The following CARMIL1 variants were observed in gnomAD, a reference collection of about 807,000 sequenced individuals.
CARMIL1 encodes the protein F-actin-uncapping protein LRRC16A.
In CARMIL1, 90 loss-of-function variants were observed where a neutral mutation model predicts 177.1. That is an observed-to-expected ratio of 0.51 (90% CI 0.43 to 0.61). CARMIL1 has a LOEUF of 0.61. Ranked by LOEUF, CARMIL1 falls within the 20% of genes least tolerant of loss-of-function variation. The pLI, the probability that CARMIL1 is intolerant of heterozygous loss-of-function variation, is 0.00. For missense variants in CARMIL1, 1,380 were observed against 1,667.0 expected, an observed-to-expected ratio of 0.83 and a Z score of 3.00; for synonymous variants, 577 against 606.2, an observed-to-expected ratio of 0.95 and a Z score of 0.71.
In CARMIL1 at chr6:25,550,956, A is replaced by G. The variant is rs546757346; in HGVS notation, c.2375A>G (p.Asn792Ser). 9.3e-6 allele frequency: 15 copies of G among 1,613,504 alleles called. No individual in the cohort carries two copies. In the African/African-American group the frequency reaches 9.3e-5, roughly 10 times the overall value. The change falls in exon 27 of 37, where the codon AAT becomes AGT. Residue 792 changes from asparagine (N) to serine (S), a missense_variant. Transcript: ENST00000329474. ...GATGCTGCTGAGAATCTTTGTCCCAATGTGATGAAAAAAGCCCACATTCGA... is the reference window on the plus strand; with the variant it reads ...GATGCTGCTGAGAATCTTTGTCCCAGTGTGATGAAAAAAGCCCACATTCGA... ...MVDAAENLCPNVMKKAHIRQD... is the reference protein window; with the variant it reads ...MVDAAENLCPSVMKKAHIRQD...
chr6:25,402,532 C>G lies in CARMIL1; in HGVS notation c.139-17582C>G, dbSNP rs147602720. On this transcript the variant is annotated intron_variant, in intron 2 of 36. Coordinates refer to ENST00000329474, the MANE Select transcript of CARMIL1 (RefSeq NM_017640.6). ...ATTTTGCCAATCTATTTTGTACTTACTTTATAATTCAATTTTAAGAGTAAA... is the reference window on the plus strand; with the variant it reads ...ATTTTGCCAATCTATTTTGTACTTAGTTTATAATTCAATTTTAAGAGTAAA... Among the ~76,000 whole-genome samples the G allele has an allele frequency of 1.5e-3, 221 of 152,240 alleles. 1 individual carries two copies. The highest frequency in any genetic ancestry group is 5.0e-3 in the African/African-American group (208 of 41,546).
intron 2 of CARMIL1, among the ~76,000 whole-genome samples, chr6:25,367,994 A>G (rs974696522): frequency 7.2e-5 from 11 of 152,218 alleles, no homozygotes; most frequent in Non-Finnish European, 1.2e-4. Context: ...TCCTGACCTC[A>G]AGTGATCTGC....
chr6:25,446,562 C>G (rs1483708177), intron 5 of CARMIL1, among the ~76,000 whole-genome samples: 1 of 152,200 alleles, frequency 6.6e-6, no homozygotes, highest in African/African-American at 2.4e-5. Context: ...TGTTTCATTC[C>G]AGACCACTAA....
chr6:25,441,337 A>ATGTGTGTGTGTGTGTGTGTG (rs1554196401), intron 5 of CARMIL1, among the ~76,000 whole-genome samples: 41 of 94,536 alleles, frequency 4.3e-4, no homozygotes, highest in Middle Eastern at 5.4e-3. Flanking sequence ...ATATATATAT[A>ATGTGTGTGTGTGTGTGTGTG]TGTGTGTGTG....
In CARMIL1 at chr6:25,417,799, G is replaced by A. The variant is rs78312771; in HGVS notation, c.139-2315G>A. Among the ~76,000 whole-genome samples the A allele has an allele frequency of 2.0e-4, 30 of 152,322 alleles. No homozygotes were observed. In the East Asian group the frequency reaches 5.0e-3, roughly 25 times the overall value. ...TCTGCTCTAATTGAATGACCTTGAA[G>A]TGAGTTCATCACTGAGTCTCAATTT... On this transcript the variant is annotated intron_variant, in intron 2 of 36. Transcript: ENST00000329474.
intron 2 of CARMIL1, among the ~76,000 whole-genome samples, chr6:25,409,742 G>A (rs1023211726): frequency 1.3e-5 from 2 of 152,120 alleles, no homozygotes; most frequent in African/African-American, 2.4e-5. Context: ...ATTTGCATGC[G>A]AGTACCATGT....
At chr6:25,416,253 A>G (rs1581864977) in intron 2 of CARMIL1, among the ~76,000 whole-genome samples, 1 of 152,250 alleles carries the variant, frequency 6.6e-6, no homozygotes, top group East Asian at 1.9e-4. Flanking sequence ...TGACTCATCT[A>G]TGTTTCCATG....
At chr6:25,338,936 A>G (rs1333378482) in intron 2 of CARMIL1, among the ~76,000 whole-genome samples, 6 of 132,684 alleles carry the variant, frequency 4.5e-5, no homozygotes, top group Non-Finnish European at 8.0e-5. Flanking sequence ...CTCTGCCAGC[A>G]TGAATCCTCC....
At chr6:25,528,644 C>G (rs1019408970) in intron 23 of CARMIL1, 151 bp from the exon 24 acceptor site, 1 of 650,680 alleles carries the variant, frequency 1.5e-6, no homozygotes, top group Admixed American at 2.7e-5. Context: ...GCCAGTTTCT[C>G]CATCCCATGT....
At chr6:25,501,071 T>C (rs779282024) in intron 17 of CARMIL1, among the ~76,000 whole-genome samples, 3 of 152,132 alleles carry the variant, frequency 2.0e-5, no homozygotes, top group Non-Finnish European at 4.4e-5. Flanking sequence ...CTAAACTGTC[T>C]ATGTTTTACA....
At chr6:25,566,679 T>G (rs1038568899) in intron 29 of CARMIL1, among the ~76,000 whole-genome samples, 1 of 152,214 alleles carries the variant, frequency 6.6e-6, no homozygotes, top group Non-Finnish European at 1.5e-5. Flanking sequence ...ATCCCCAGTA[T>G]CTAGAGCAGT....
In CARMIL1 at chr6:25,580,949, G is replaced by A. The variant is rs1295490393; in HGVS notation, c.2768G>A (p.Ser923Asn). 2 of 1,600,820 alleles carry A rather than the reference G, an allele frequency of 1.2e-6. No individual in the cohort carries two copies. Among genetic ancestry groups the A allele is most frequent in the Admixed American group, 3.4e-5 (2 of 58,290 alleles). Residue 923 changes from serine (S) to asparagine (N), a missense_variant, in exon 30 of 37, where the codon AGT (serine) becomes AAT (asparagine). Coordinates refer to ENST00000329474, the MANE Select transcript of CARMIL1 (RefSeq NM_017640.6). ...CMMTPKSKRKSIHSRMLRPVS... is the reference protein window; with the variant it reads ...CMMTPKSKRKNIHSRMLRPVS... ...ATGACCCCTAAATCCAAAAGGAAGAGTATCCATAGCCGAATGCTGCGGCCT... is the reference window on the plus strand; with the variant it reads ...ATGACCCCTAAATCCAAAAGGAAGAATATCCATAGCCGAATGCTGCGGCCT...
intron 3 of CARMIL1, among the ~76,000 whole-genome samples, chr6:25,426,005 T>C (rs1460552764): frequency 1.3e-5 from 2 of 152,138 alleles, no homozygotes; most frequent in African/African-American, 4.8e-5. Flanking sequence ...AAAAACAACA[T>C]TGACTTTATC....
At chr6:25,353,928 G>A (rs1393081111) in intron 2 of CARMIL1, among the ~76,000 whole-genome samples, 1 of 152,146 alleles carries the variant, frequency 6.6e-6, no homozygotes, top group Non-Finnish European at 1.5e-5. Context: ...GGGACATTTG[G>A]CAGTGTCTAG....
At chr6:25,355,034 G>A (rs749801091) in intron 2 of CARMIL1, among the ~76,000 whole-genome samples, 1 of 152,170 alleles carries the variant, frequency 6.6e-6, no homozygotes, top group Non-Finnish European at 1.5e-5. Context: ...CTGGAGGGAT[G>A]TACATCTAGA....
chr6:25,341,011 G>C (rs2150322886), intron 2 of CARMIL1, among the ~76,000 whole-genome samples: 1 of 152,164 alleles, frequency 6.6e-6, no homozygotes, highest in Admixed American at 6.5e-5. Context: ...AAGATAGAAG[G>C]CTCACAATCA....
At chr6:25,396,550 C>A (rs894380875) in intron 2 of CARMIL1, among the ~76,000 whole-genome samples, 2 of 151,706 alleles carry the variant, frequency 1.3e-5, no homozygotes, top group Admixed American at 1.3e-4. Flanking sequence ...TTAGTAGAGA[C>A]GGGGTTTCAC....
intron 2 of CARMIL1, among the ~76,000 whole-genome samples, chr6:25,410,498 C>T (rs1794809510): frequency 6.6e-6 from 1 of 152,196 alleles, no homozygotes; most frequent in Non-Finnish European, 1.5e-5. Flanking sequence ...AGAGAGTGGT[C>T]TAGCAGACTC....
At chr6:25,510,436 A>T in intron 18 of CARMIL1, 71 bp from the exon 19 acceptor site, 1 of 901,920 alleles carries the variant, frequency 1.1e-6, no homozygotes, top group Non-Finnish European at 1.7e-6. Context: ...ACCTTTGCTT[A>T]ATTGTGTTCC....
Sources: allele counts gnomAD v4.1 joint callset (sites outside exome capture counted in the v4.1 genomes callset), GRCh38; gene constraint gnomAD v4.1.1; transcripts MANE v1.5; gene names NCBI Gene and HGNC (gene_info 2026-07-23, HGNC 2026-07-21).